Variants in BRK1 observed in about 807,000 individuals in gnomAD.
BRK1 encodes the protein BRICK1 subunit of SCAR/WAVE actin nucleating complex.
In BRK1, 6 loss-of-function variants were observed where a neutral mutation model predicts 9.9. The ratio of observed to expected loss-of-function variants is 0.60; its 90% confidence interval spans 0.33 to 1.19. The LOEUF is 1.19. Among genes scored for constraint, BRK1 ranks in the 50% most tolerant of loss-of-function variants. The pLI is 0.04. For synonymous variants in BRK1, 44 were observed against 31.9 expected, an observed-to-expected ratio of 1.38 and a Z score of -1.28; for missense variants, 62 against 97.5, an observed-to-expected ratio of 0.64 and a Z score of 1.53.
intron 1 of BRK1, 93 bp downstream of exon 1, chr3:10,115,912 A>G (rs1575903424): frequency 1.0e-6 from 1 of 985,402 alleles, no homozygotes; most frequent in East Asian, 2.5e-5. Context: ...GGACTCCCGC[A>G]GCCTTCGGCT....
rs767226255 is a variant in BRK1, at chr3:10,125,654, A to T, written c.147A>T (p.Thr49=). ...FDMSCRSRLA[T]LNEKLTALER... is the part of the protein sequence containing the mutation. ...TGTCTTGTCGTTCAAGACTTGCAAC[A>T]CTAAACGAGAAATTGACAGCCCTTG... is the stretch of plus-strand genomic sequence containing the variant. The change falls in exon 2 of 3, where the codon ACA becomes ACT. Residue 49 remains threonine (T), a synonymous_variant. Coordinates refer to ENST00000530758, the MANE Select transcript of BRK1 (RefSeq NM_018462.5). 8.1e-6 allele frequency: 13 copies of T among 1,612,790 alleles called. No individual in the cohort carries two copies. Among genetic ancestry groups the T allele is most frequent in the Non-Finnish European group, 1.0e-5 (12 of 1,179,418 alleles).
At chr3:10,121,427 A>G (rs1282310794) in intron 1 of BRK1, among the ~76,000 whole-genome samples, 1 of 152,180 alleles carries the variant, frequency 6.6e-6, no homozygotes, top group Non-Finnish European at 1.5e-5. Context: ...AGTATGGGAA[A>G]GAATACCAGT....
chr3:10,115,863 G>T (rs757747590), intron 1 of BRK1, 44 bp downstream of exon 1: 1 of 1,528,658 alleles, frequency 6.5e-7, no homozygotes, highest in South Asian at 1.1e-5. Context: ...GGAGGCCGCT[G>T]AGGTGGTTGG....
chr3:10,116,732 A>C (rs911399685), intron 1 of BRK1, among the ~76,000 whole-genome samples: 1 of 152,218 alleles, frequency 6.6e-6, no homozygotes, highest in African/African-American at 2.4e-5. Flanking sequence ...TGGCCTTAGG[A>C]GTACAAAGGT....
rs942309656 is a variant in BRK1, at chr3:10,126,642, T to A, written c.*347T>A. ...CTTTCTTTCTCTCTCTCTCAAACTT[T>A]CCTTAAAGTTCTCATTGCCTTTGCA... On this transcript the variant is annotated 3_prime_UTR_variant, in exon 3 of 3. Coordinates refer to ENST00000530758, the MANE Select transcript of BRK1 (RefSeq NM_018462.5). 4.3e-6 allele frequency: 1 copy of A among 233,348 alleles called. No homozygotes were observed. Among genetic ancestry groups the A allele is most frequent in the Non-Finnish European group, 8.5e-6 (1 of 118,224 alleles). The allele number at this position is 233,348 out of a possible 1,614,324, so 14.5% of individuals were successfully genotyped here.
chr3:10,119,085 C>G (rs1466063271), intron 1 of BRK1, among the ~76,000 whole-genome samples: 1 of 145,604 alleles, frequency 6.9e-6, no homozygotes, highest in Non-Finnish European at 1.5e-5. Flanking sequence ...CGGCTCACTG[C>G]AAGCTCTGCA....
In BRK1 at chr3:10,115,744, G is replaced by A. The variant is rs1398635922; in HGVS notation, c.43G>A (p.Asp15Asn). The A allele has an allele frequency of 6.2e-7, 1 of 1,613,864 alleles. No homozygotes were observed. Among genetic ancestry groups the A allele is most frequent in the African/African-American group, 1.3e-5 (1 of 74,936 alleles). ...TCCGGTGCAGCGGGAGATTCACCAG[G>A]ACTGGGCTAACCGGGAGTACATTGA... ...EDPVQREIHQ[D>N]WANREYIEII... Residue 15 changes from aspartate (D) to asparagine (N), a missense_variant, in exon 1 of 3, where the codon GAC becomes AAC. Coordinates refer to ENST00000530758, the MANE Select transcript of BRK1 (RefSeq NM_018462.5).
chr3:10,116,321 C>T (rs1445015696), intron 1 of BRK1, among the ~76,000 whole-genome samples: 1 of 152,012 alleles, frequency 6.6e-6, no homozygotes, highest in African/African-American at 2.4e-5. Flanking sequence ...TCCATTCCTT[C>T]CTGTTTCCTG....
intron 1 of BRK1, among the ~76,000 whole-genome samples, chr3:10,117,907 A>G (rs956937422): frequency 8.5e-5 from 13 of 152,248 alleles, no homozygotes; most frequent in African/African-American, 3.1e-4. Flanking sequence ...GAAGAGAATT[A>G]TAATGCAGGA....
chr3:10,122,324 ATAG>A (rs146532146), intron 1 of BRK1, among the ~76,000 whole-genome samples: 3,884 of 152,252 alleles, frequency 0.026, 70 homozygotes, highest in Non-Finnish European at 0.037. Flanking sequence ...ACCATCTTAA[ATAG>A]TAGTGATGCA....
At chr3:10,125,121 G>A (rs1270049882) in intron 1 of BRK1, among the ~76,000 whole-genome samples, 1 of 151,690 alleles carries the variant, frequency 6.6e-6, no homozygotes, top group Non-Finnish European at 1.5e-5. Context: ...ACTTTTTTTT[G>A]AGACAGAGTT....
At chr3:10,117,796 A>G (rs1451327353) in intron 1 of BRK1, among the ~76,000 whole-genome samples, 1 of 152,152 alleles carries the variant, frequency 6.6e-6, no homozygotes, top group South Asian at 2.1e-4. Flanking sequence ...CCTCCCTTAA[A>G]GTGATGATAA....
chr3:10,118,746 C>G (rs1005419006), intron 1 of BRK1, among the ~76,000 whole-genome samples: 4 of 152,094 alleles, frequency 2.6e-5, no homozygotes, highest in African/African-American at 9.7e-5. Flanking sequence ...GTTCAACCTC[C>G]CAAAGTGCTG....
At chr3:10,125,853 G>T in intron 2 of BRK1, 145 bp downstream of exon 2, 1 of 593,382 alleles carries the variant, frequency 1.7e-6, no homozygotes, top group Non-Finnish European at 3.0e-6. Flanking sequence ...CACTTTGGGA[G>T]GCCAAGACAG....
At chr3:10,124,907 A>C (rs1695815974) in intron 1 of BRK1, among the ~76,000 whole-genome samples, 1 of 151,982 alleles carries the variant, frequency 6.6e-6, no homozygotes, top group Non-Finnish European at 1.5e-5. Context: ...CACACTTGGA[A>C]TCTCTTTTTC....
chr3:10,120,121 C>T (rs1432165320), intron 1 of BRK1, among the ~76,000 whole-genome samples: 6 of 151,950 alleles, frequency 3.9e-5, no homozygotes, highest in African/African-American at 1.2e-4. Flanking sequence ...CCTCCGCCTC[C>T]CGGGTTCAAG....
intron 1 of BRK1, among the ~76,000 whole-genome samples, chr3:10,117,124 C>T (rs775084770): frequency 6.6e-6 from 1 of 152,142 alleles, no homozygotes; most frequent in Non-Finnish European, 1.5e-5. Flanking sequence ...GTCATGCACA[C>T]CTGTTGTCCC....
At position 10,122,433 on chromosome 3, in the gene BRK1, C is replaced by T. The variant is rs113659626; in HGVS notation, c.119-3193C>T. Among the ~76,000 whole-genome samples the T allele has an allele frequency of 1.2e-4, 18 of 152,174 alleles. 1 individual carries two copies. The highest frequency in any genetic ancestry group is 3.9e-4 in the African/African-American group (16 of 41,516). On this transcript the variant is annotated intron_variant, in intron 1 of 2. Coordinates refer to ENST00000530758, the MANE Select transcript of BRK1 (RefSeq NM_018462.5). ...CAAATTAGAAATTCAGAGGCTGGCA[C>T]GGTGCCTCACGCCTGTAATCCTAGG...
intron 1 of BRK1, among the ~76,000 whole-genome samples, chr3:10,118,629 A>G (rs1695717619): frequency 6.6e-6 from 1 of 152,062 alleles, no homozygotes; most frequent in South Asian, 2.1e-4. Context: ...CTGGGACTAC[A>G]GGTGTGTGCC....
Sources: gnomAD v4.1 joint callset for allele counts (sites outside exome capture counted in the v4.1 genomes callset) on GRCh38, gnomAD v4.1.1 for gene constraint, MANE v1.5 for transcripts, NCBI Gene and HGNC (gene_info 2026-07-23, HGNC 2026-07-21) for gene names.